The following NSUN6 variants were observed in gnomAD, a reference collection of about 807,000 sequenced individuals.
NSUN6 encodes NOP2/Sun RNA methyltransferase 6.
NSUN6 carries 64 observed loss-of-function variants against 58.0 expected under a neutral mutation model. That is an observed-to-expected ratio of 1.10 (90% CI 0.90 to 1.36). The LOEUF (loss-of-function observed/expected upper bound fraction) is 1.36. Among genes scored for constraint, NSUN6 ranks in the 40% most tolerant of loss-of-function variants. The pLI, the probability that NSUN6 is intolerant of heterozygous loss-of-function variation, is 0.00. For missense variants in NSUN6, 701 were observed against 550.1 expected (o/e 1.27, Z -2.74); for synonymous variants, 231 against 193.9 (o/e 1.19, Z -1.59).
At chr10:18,594,845 T>C (rs1393328164) in intron 7 of NSUN6, among the ~76,000 whole-genome samples, 1 of 152,202 alleles carries the variant, frequency 6.6e-6, no homozygotes, top group East Asian at 1.9e-4. Context: ...GTCACTCTGA[T>C]GGGATTCAGT....
intron 3 of NSUN6, among the ~76,000 whole-genome samples, chr10:18,634,451 C>G (rs2059143013): frequency 6.6e-6 from 1 of 152,040 alleles, no homozygotes; most frequent in Admixed American, 6.6e-5. Flanking sequence ...AGCCCATGAC[C>G]AAGACAGGCT....
intron 3 of NSUN6, among the ~76,000 whole-genome samples, chr10:18,636,832 T>G (rs1050903823): frequency 6.7e-6 from 1 of 149,434 alleles, no homozygotes; most frequent in Non-Finnish European, 1.5e-5. Flanking sequence ...GAGCTTACAA[T>G]GAACCAAGGT....
chr10:18,582,691 TA>T (rs2056959408), intron 8 of NSUN6, among the ~76,000 whole-genome samples: 1 of 152,128 alleles, frequency 6.6e-6, no homozygotes, highest in Admixed American at 6.5e-5. Context: ...CAGTGCTCTG[TA>T]ATGCCAACTG....
intron 3 of NSUN6, among the ~76,000 whole-genome samples, chr10:18,633,090 G>C (rs1345845101): frequency 6.6e-6 from 1 of 151,924 alleles, no homozygotes; most frequent in Non-Finnish European, 1.5e-5. Context: ...AAAATGATGA[G>C]TTCGTGTCCT....
chr10:18,591,944 G>C (rs1365746477), intron 7 of NSUN6, among the ~76,000 whole-genome samples: 3 of 152,136 alleles, frequency 2.0e-5, no homozygotes, highest in African/African-American at 7.2e-5. Flanking sequence ...GTTTGCAGAT[G>C]ACATGACTGT....
At chr10:18,582,697 C>T (rs1212215194) in intron 8 of NSUN6, among the ~76,000 whole-genome samples, 6 of 152,094 alleles carry the variant, frequency 3.9e-5, no homozygotes, top group Non-Finnish European at 8.8e-5. Context: ...TCTGTAATGC[C>T]AACTGAAGCA....
rs769949582 is a variant in NSUN6, at chr10:18,585,967, T to C, written c.904A>G (p.Met302Val). ...AGCTCACCTTCTGTGTCCTCCACCA[T>C]ATCAAGTTTAACCGCCTTTGTTCCA... ...FDGTKAVKLD[M>V]VEDTEGEPPF... is the part of the protein sequence containing the mutation. Residue 302 changes from methionine (M) to valine (V), a missense_variant, in exon 8 of 11, where the codon ATG (methionine) becomes GTG (valine). By Grantham distance (21) the Met-to-Val change is conservative. Coordinates refer to ENST00000377304, the MANE Select transcript of NSUN6 (RefSeq NM_182543.5). 1.2e-6 allele frequency: 2 copies of C among 1,607,072 alleles called. No homozygotes were observed. The highest frequency in any genetic ancestry group is 1.1e-5 in the South Asian group (1 of 88,824).
intron 3 of NSUN6, among the ~76,000 whole-genome samples, chr10:18,620,104 TTGAGAC>T (rs1163747447): frequency 2.7e-4 from 15 of 55,244 alleles, no homozygotes; most frequent in Non-Finnish European, 2.1e-4. Flanking sequence ...TTTTTTTTTT[TTGAGAC>T]GGAGTCTAGC....
intron 3 of NSUN6, among the ~76,000 whole-genome samples, chr10:18,626,448 CTCA>C (rs2058809099): frequency 6.6e-6 from 1 of 152,262 alleles, no homozygotes; most frequent in East Asian, 1.9e-4. Flanking sequence ...CAGTAATCTC[CTCA>C]TTTCTCATAA....
intron 3 of NSUN6, among the ~76,000 whole-genome samples, chr10:18,618,771 G>T (rs1162518126): frequency 2.7e-5 from 4 of 147,938 alleles, no homozygotes; most frequent in African/African-American, 1.0e-4. Context: ...CTGCATTCTA[G>T]ATAATTTCCT....
intron 2 of NSUN6, among the ~76,000 whole-genome samples, chr10:18,644,875 A>G (rs1011428810): frequency 4.1e-5 from 6 of 144,636 alleles, no homozygotes; most frequent in African/African-American, 1.5e-4. Flanking sequence ...GAAAACGTGT[A>G]GGTCAGGCAC....
intron 3 of NSUN6, among the ~76,000 whole-genome samples, 164 bp from the exon 4 acceptor site, chr10:18,616,457 A>T (rs544801800): frequency 6.6e-6 from 1 of 152,314 alleles, no homozygotes; most frequent in East Asian, 1.9e-4. Context: ...ACAGGAAAAA[A>T]CAGCAACACG....
At chr10:18,626,314 T>C (rs2058803488) in intron 3 of NSUN6, among the ~76,000 whole-genome samples, 1 of 149,488 alleles carries the variant, frequency 6.7e-6, no homozygotes, top group African/African-American at 2.5e-5. Flanking sequence ...CCGAGGAGGG[T>C]GGATCACTTG....
At chr10:18,632,191 T>C (rs1399688157) in intron 3 of NSUN6, among the ~76,000 whole-genome samples, 1 of 152,098 alleles carries the variant, frequency 6.6e-6, no homozygotes, top group East Asian at 1.9e-4. Context: ...CTGGCAAAAC[T>C]GGCTAGCCAT....
intron 6 of NSUN6, among the ~76,000 whole-genome samples, chr10:18,597,568 G>A (rs2057640664): frequency 6.6e-6 from 1 of 152,224 alleles, no homozygotes; most frequent in South Asian, 2.1e-4. Context: ...TCGGGAGTTT[G>A]AGACCAGCCT....
chr10:18,568,216 C>T (rs970411129), intron 8 of NSUN6, among the ~76,000 whole-genome samples: 1 of 150,224 alleles, frequency 6.7e-6, no homozygotes, highest in Non-Finnish European at 1.5e-5. Context: ...ATTCCATTCC[C>T]GTCCATTATC....
At chr10:18,644,870 C>T (rs1323724518) in intron 2 of NSUN6, among the ~76,000 whole-genome samples, 1 of 136,572 alleles carries the variant, frequency 7.3e-6, no homozygotes, top group Non-Finnish European at 1.6e-5. Flanking sequence ...AAACTGAAAA[C>T]GTGTAGGTCA....
chr10:18,618,864 AATG>A (rs1487733756), intron 3 of NSUN6, among the ~76,000 whole-genome samples: 14 of 151,552 alleles, frequency 9.2e-5, no homozygotes, highest in Admixed American at 3.3e-4. Context: ...TTTTAATTTT[AATG>A]ATAATTTATT....
intron 3 of NSUN6, among the ~76,000 whole-genome samples, chr10:18,635,019 T>C (rs1268025718): frequency 2.4e-4 from 37 of 152,168 alleles, no homozygotes; most frequent in Admixed American, 2.4e-3. Context: ...CTAAACTCTG[T>C]ACAAGGTACA....
Sources: gnomAD v4.1 joint callset for allele counts (sites outside exome capture counted in the v4.1 genomes callset) on GRCh38, gnomAD v4.1.1 for gene constraint, MANE v1.5 for transcripts, NCBI Gene and HGNC (gene_info 2026-07-23, HGNC 2026-07-21) for gene names.